Variants in ENTREP2 observed in about 807,000 individuals in gnomAD.
ENTREP2 encodes the protein endosomal transmembrane epsin interactor 2.
At chr15:29,555,991 C>T in the ENTREP2 span, among the ~76,000 whole-genome samples, 2 of 152,226 alleles carry the variant, frequency 1.3e-5, no homozygotes, top group African/African-American at 4.8e-5. Context: ...ACGGTGCTCA[C>T]GCTTGTAATC....
chr15:29,402,251 A>AATATATATATATATATATATATATATAT, the ENTREP2 span, among the ~76,000 whole-genome samples: 24 of 111,886 alleles, frequency 2.1e-4, no homozygotes, highest in African/African-American at 3.7e-4. Flanking sequence ...ATTATAGAAG[A>AATATATATATATATATATATATATATAT]ATATATATAT....
chr15:29,339,210 G>A, the ENTREP2 span, among the ~76,000 whole-genome samples: 9 of 152,250 alleles, frequency 5.9e-5, no homozygotes, highest in South Asian at 2.1e-4. Context: ...CCCTCCATTC[G>A]GCTTTGATGC....
the ENTREP2 span, among the ~76,000 whole-genome samples, chr15:29,155,028 A>G: frequency 1.3e-5 from 2 of 152,018 alleles, no homozygotes; most frequent in East Asian, 1.9e-4. Flanking sequence ...CATGCCTGTA[A>G]TCCCAGCACT....
chr15:29,152,832 T>C, the ENTREP2 span, among the ~76,000 whole-genome samples: 19,127 of 152,196 alleles, frequency 0.13, 2,016 homozygotes, highest in African/African-American at 0.28. Flanking sequence ...TGTACAGTAA[T>C]TGCATGTTTA....
chr15:29,240,296 G>A, the ENTREP2 span, among the ~76,000 whole-genome samples: 6 of 151,928 alleles, frequency 3.9e-5, no homozygotes, highest in Admixed American at 2.6e-4. Context: ...CCCGGGAGGC[G>A]GAGGTTGCAG....
the ENTREP2 span, among the ~76,000 whole-genome samples, chr15:29,143,573 T>G: frequency 6.6e-6 from 1 of 152,186 alleles, no homozygotes; most frequent in Non-Finnish European, 1.5e-5. Context: ...CCGTGGGGGC[T>G]GGAGCTGTGG....
the ENTREP2 span, among the ~76,000 whole-genome samples, chr15:29,384,340 G>C: frequency 6.6e-6 from 1 of 152,218 alleles, no homozygotes; most frequent in Admixed American, 6.5e-5. Context: ...TCACTAAGCA[G>C]GATCCATTCT....
At chr15:29,559,464 C>G in the ENTREP2 span, among the ~76,000 whole-genome samples, 7 of 152,100 alleles carry the variant, frequency 4.6e-5, no homozygotes, top group Non-Finnish European at 1.0e-4. Flanking sequence ...TGCCACAAAC[C>G]TGGTGACTTA....
the ENTREP2 span, among the ~76,000 whole-genome samples, chr15:29,211,873 GTTAGCTAATATTT>G: frequency 0.029 from 4,475 of 152,174 alleles, 228 homozygotes; most frequent in African/African-American, 0.1. Context: ...GTTGGATTTG[GTTAGCTAATATTT>G]TGTTAAGGAT....
the ENTREP2 span, among the ~76,000 whole-genome samples, chr15:29,178,671 TAAAAG>T: frequency 6.6e-6 from 1 of 152,084 alleles, no homozygotes; most frequent in Non-Finnish European, 1.5e-5. Flanking sequence ...CCCTGCCCTA[TAAAAG>T]AAAAGCCCTT....
At chr15:29,158,333 C>T in the ENTREP2 span, among the ~76,000 whole-genome samples, 1 of 151,826 alleles carries the variant, frequency 6.6e-6, no homozygotes, top group African/African-American at 2.4e-5. Context: ...TCTAAGTAAC[C>T]GCAAACCACC....
the ENTREP2 span, among the ~76,000 whole-genome samples, chr15:29,638,526 T>G: frequency 3.3e-5 from 5 of 152,354 alleles, no homozygotes; most frequent in South Asian, 1.0e-3. Flanking sequence ...TTGTGCTCAC[T>G]AAAAACATTG....
the ENTREP2 span, among the ~76,000 whole-genome samples, chr15:29,469,059 C>G: frequency 2.3e-3 from 346 of 152,248 alleles, 1 homozygote; most frequent in African/African-American, 7.8e-3. Flanking sequence ...GTGGTTCCAC[C>G]CCATCCCGAT....
chr15:29,124,734 C>T, the ENTREP2 span: 2 of 1,550,724 alleles, frequency 1.3e-6, no homozygotes, highest in East Asian at 2.4e-5. Flanking sequence ...GTCCTGGCTA[C>T]ACGACGGCCT....
At chr15:29,484,569 G>A in the ENTREP2 span, among the ~76,000 whole-genome samples, 4 of 151,890 alleles carry the variant, frequency 2.6e-5, no homozygotes, top group Admixed American at 6.6e-5. Flanking sequence ...ACACACACAC[G>A]CACAGACTCT....
At chr15:29,309,366 C>T in the ENTREP2 span, among the ~76,000 whole-genome samples, 1 of 152,190 alleles carries the variant, frequency 6.6e-6, no homozygotes, top group African/African-American at 2.4e-5. Flanking sequence ...AATCACCTCA[C>T]TTGCTTTCCC....
At chr15:29,498,686 G>A in the ENTREP2 span, among the ~76,000 whole-genome samples, 2 of 152,202 alleles carry the variant, frequency 1.3e-5, no homozygotes, top group Non-Finnish European at 2.9e-5. Context: ...GGTATAAAGT[G>A]TAAAATCTAA....
chr15:29,621,505 A>G, the ENTREP2 span, among the ~76,000 whole-genome samples: 1 of 129,788 alleles, frequency 7.7e-6, no homozygotes. Context: ...CCTGGGTGAC[A>G]GAGTGAGACT....
the ENTREP2 span, among the ~76,000 whole-genome samples, chr15:29,258,356 A>T: frequency 1.7e-4 from 26 of 152,228 alleles, no homozygotes; most frequent in African/African-American, 6.3e-4. Flanking sequence ...AGGTCAAAAA[A>T]TAGTTGCTGA....
Sources: gnomAD v4.1 joint callset for allele counts (sites outside exome capture counted in the v4.1 genomes callset) on GRCh38, gnomAD v4.1.1 for gene constraint, MANE v1.5 for transcripts, NCBI Gene and HGNC (gene_info 2026-07-23, HGNC 2026-07-21) for gene names.